The following RAB30 variants were observed in gnomAD, a reference collection of about 807,000 sequenced individuals.
RAB30 encodes the protein RAB30, member RAS oncogene family.
Under a neutral mutation model 25.1 loss-of-function variants are expected in RAB30, and 9 were observed. That is an observed-to-expected ratio of 0.36 (90% CI 0.22 to 0.63). RAB30 has a LOEUF of 0.63. Among genes scored for constraint, RAB30 ranks in the 20% least tolerant of loss-of-function variants. The pLI is 0.69. For missense variants in RAB30, 140 were observed against 243.5 expected, an observed-to-expected ratio of 0.58 and a Z score of 2.83; for synonymous variants, 77 against 86.4, an observed-to-expected ratio of 0.89 and a Z score of 0.60.
chr11:83,007,730 C>T (rs1389722015), intron 1 of RAB30, among the ~76,000 whole-genome samples: 1 of 152,226 alleles, frequency 6.6e-6, no homozygotes, highest in Non-Finnish European at 1.5e-5. Context: ...TTTCGTACCA[C>T]AGCACCTGGG....
At position 82,973,764 on chromosome 11, in the gene RAB30, TAA is replaced by T. The variant is rs1383862794; in HGVS notation, c.*8399_*8400del. 1.3e-5 allele frequency: 2 copies of T among 152,224 alleles called. No individual in the cohort carries two copies. The highest frequency in any genetic ancestry group is 2.9e-5 in the Non-Finnish European group (2 of 68,032). The allele number at this position is 152,224 out of a possible 1,614,324, so 9.4% of individuals were successfully genotyped here. A position where few individuals can be genotyped will look rare whatever the true frequency, so the allele number is the denominator to read the frequency against. ...TTTGATTTGTCAGACTAATTGTTTT[TAA>T]GAGAGATGTGAAAACATACACCCAT... On this transcript the variant is annotated 3_prime_UTR_variant, in exon 5 of 5. Coordinates refer to ENST00000527633, the MANE Select transcript of RAB30 (RefSeq NM_001286060.2).
At chr11:82,997,009 G>A (rs944558587) in intron 2 of RAB30, among the ~76,000 whole-genome samples, 3 of 152,178 alleles carry the variant, frequency 2.0e-5, no homozygotes, top group African/African-American at 7.2e-5. Flanking sequence ...GGGAGGGTTG[G>A]TGGAGACTCC....
At chr11:83,012,924 T>G (rs1439752909) in intron 1 of RAB30, among the ~76,000 whole-genome samples, 2 of 152,146 alleles carry the variant, frequency 1.3e-5, no homozygotes, top group African/African-American at 4.8e-5. Flanking sequence ...TTCACACCTT[T>G]ACTCACAGGG....
intron 1 of RAB30, among the ~76,000 whole-genome samples, chr11:83,066,387 A>G (rs1296310043): frequency 1.3e-5 from 2 of 152,116 alleles, no homozygotes; most frequent in African/African-American, 2.4e-5. Flanking sequence ...ATAATTCAAA[A>G]CTCTGAGACC....
At chr11:83,009,672 T>C (rs1011054984) in intron 1 of RAB30, among the ~76,000 whole-genome samples, 1 of 152,148 alleles carries the variant, frequency 6.6e-6, no homozygotes, top group Non-Finnish European at 1.5e-5. Flanking sequence ...TCCAAACTTA[T>C]TTCAAGATAA....
At position 82,979,517 on chromosome 11, in the gene RAB30, A is replaced by T. The variant is rs967436910; in HGVS notation, c.*2648T>A. 14 of 152,158 alleles carry T rather than the reference A, an allele frequency of 9.2e-5. No individual in the cohort carries two copies. Among genetic ancestry groups the T allele is most frequent in the Non-Finnish European group, 2.1e-4 (14 of 68,018 alleles). The allele number at this position is 152,158 out of a possible 1,614,324, so 9.4% of individuals were successfully genotyped here. A position where few individuals can be genotyped will look rare whatever the true frequency, so the allele number is the denominator to read the frequency against. On this transcript the variant is annotated 3_prime_UTR_variant, in exon 5 of 5. Coordinates refer to ENST00000527633, the MANE Select transcript of RAB30 (RefSeq NM_001286060.2). ...AATTTAGGTTCTGGCCTGGGTTAAG[A>T]TGACTGTATTTAGTGTCCTTTCTCA...
chr11:82,994,059 T>A lies in RAB30; in HGVS notation c.157A>T (p.Ile53Phe). ...GVDFMIKTVE[I>F]NGEKVKLQIW... ...CTTACCTTTACTTTTTCACCATTAA[T>A]CTCCACTGTCTTAATCATAAAATCA... Residue 53 changes from isoleucine (I) to phenylalanine (F), a missense_variant, in exon 3 of 5, where the codon ATT (isoleucine) becomes TTT (phenylalanine). Coordinates refer to ENST00000527633, the MANE Select transcript of RAB30 (RefSeq NM_001286060.2). 6.2e-7 allele frequency: 1 copy of A among 1,610,368 alleles called. No individual in the cohort carries two copies. Among genetic ancestry groups the A allele is most frequent in the Non-Finnish European group, 8.5e-7 (1 of 1,176,694 alleles).
chr11:83,028,825 G>A (rs768011423), intron 1 of RAB30, among the ~76,000 whole-genome samples: 16 of 152,166 alleles, frequency 1.1e-4, no homozygotes, highest in African/African-American at 3.4e-4. Context: ...TTGCTTAAGC[G>A]CAGCAGTTTG....
chr11:82,986,933 A>G (rs1856749237), intron 4 of RAB30: 1 of 152,224 alleles, frequency 6.6e-6, no homozygotes, highest in Admixed American at 6.5e-5. Context: ...GTTCCTTTCT[A>G]GGAAGAAAAT....
chr11:83,070,491 A>G (rs1469968384), intron 1 of RAB30, among the ~76,000 whole-genome samples: 1 of 152,208 alleles, frequency 6.6e-6, no homozygotes, highest in African/African-American at 2.4e-5. Context: ...GAGTTAAGCA[A>G]ATACTCTGGC....
At chr11:83,008,957 A>G (rs1857245334) in intron 1 of RAB30, among the ~76,000 whole-genome samples, 1 of 152,080 alleles carries the variant, frequency 6.6e-6, no homozygotes. Flanking sequence ...ATCTGGCCCA[A>G]ATTCACCTCT....
At chr11:83,008,582 A>T (rs1857236653) in intron 1 of RAB30, among the ~76,000 whole-genome samples, 1 of 152,182 alleles carries the variant, frequency 6.6e-6, no homozygotes, top group African/African-American at 2.4e-5. Context: ...TTAGTTTCCT[A>T]AGTGTTTTCC....
intron 1 of RAB30, among the ~76,000 whole-genome samples, chr11:83,014,676 AAGAAAGAAAGAAAGAAAGAG>A (rs777301385): frequency 1.4e-5 from 2 of 145,746 alleles, no homozygotes. Flanking sequence ...GAAAGAAAGA[AAGAAAGAAAGAAAGAAAGAG>A]AAAGGAAGGA....
chr11:82,995,598 AG>A (rs2121459617), intron 2 of RAB30, among the ~76,000 whole-genome samples: 1 of 152,330 alleles, frequency 6.6e-6, no homozygotes, highest in African/African-American at 2.4e-5. Flanking sequence ...AGGAGCTGGG[AG>A]GGGTAAAACG....
chr11:83,063,426 A>G (rs1262120514), intron 1 of RAB30, among the ~76,000 whole-genome samples: 1 of 152,166 alleles, frequency 6.6e-6, no homozygotes, highest in Non-Finnish European at 1.5e-5. Flanking sequence ...AGAAAATAAA[A>G]TTTTTCTGCA....
intron 1 of RAB30, among the ~76,000 whole-genome samples, chr11:83,036,685 G>T (rs1436357245): frequency 2.0e-5 from 3 of 152,208 alleles, no homozygotes; most frequent in Non-Finnish European, 4.4e-5. Context: ...ATGATGAGAT[G>T]AGGCCTCAGA....
chr11:83,060,988 C>T (rs1458958167), intron 1 of RAB30, among the ~76,000 whole-genome samples: 1 of 152,196 alleles, frequency 6.6e-6, no homozygotes, highest in Non-Finnish European at 1.5e-5. Context: ...CTCCAGGCTA[C>T]CTGGCCTTTG....
chr11:82,981,915 C>T lies in RAB30; in HGVS notation c.*250G>A, dbSNP rs1265343438. The stretch of plus-strand genomic sequence containing the variant: ...AAAAAAACAAAAGCAACATGCTCTG[C>T]AGATCATGGAGTGCCTAGTGCAATT... On this transcript the variant is annotated 3_prime_UTR_variant, in exon 5 of 5. Coordinates refer to ENST00000527633, the MANE Select transcript of RAB30 (RefSeq NM_001286060.2). 1.6e-5 allele frequency: 8 copies of T among 512,652 alleles called. No homozygotes were observed. The highest frequency in any genetic ancestry group is 1.1e-4 in the African/African-American group (6 of 52,352). 31.8% of individuals were successfully genotyped at this position (512,652 alleles called of 1,614,324 possible). A position where few individuals can be genotyped will look rare whatever the true frequency, so the allele number is the denominator to read the frequency against.
chr11:83,009,832 C>G (rs1857266876), intron 1 of RAB30, among the ~76,000 whole-genome samples: 1 of 152,178 alleles, frequency 6.6e-6, no homozygotes. Context: ...CAAAAGCCTT[C>G]ACAAGGTCCA....
Sources: gnomAD v4.1 joint callset for allele counts (sites outside exome capture counted in the v4.1 genomes callset) on GRCh38, gnomAD v4.1.1 for gene constraint, MANE v1.5 for transcripts, NCBI Gene and HGNC (gene_info 2026-07-23, HGNC 2026-07-21) for gene names.